SMG1: variants seen among roughly 807,000 people sequenced by gnomAD.
SMG1 encodes SMG1 nonsense mediated mRNA decay associated PI3K related kinase.
A neutral mutation model predicts 419.9 loss-of-function variants in SMG1; 22 were observed. The observed-to-expected ratio is 0.05, with a 90% CI of 0.04 to 0.07. The LOEUF is 0.07. SMG1 is among the 10% of genes least tolerant of loss of function. SMG1 has a pLI of 1.00. For missense variants in SMG1, 3,185 were observed against 4,342.0 expected (o/e 0.73, Z 7.49); for synonymous variants, 1,538 against 1,553.5 (o/e 0.99, Z 0.23).
chr16:18,850,735 T>C (rs757150069), intron 33 of SMG1, among the ~76,000 whole-genome samples: 1 of 152,132 alleles, frequency 6.6e-6, no homozygotes, highest in Non-Finnish European at 1.5e-5. Context: ...CAAGTTACAA[T>C]ACAGTATTCT....
At position 18,806,909 on chromosome 16, in the gene SMG1, G is replaced by C. The variant is rs888159118; in HGVS notation, c.*2660C>G. On this transcript the variant is annotated 3_prime_UTR_variant, in exon 63 of 63. Coordinates refer to ENST00000446231, the MANE Select transcript of SMG1 (RefSeq NM_015092.5). ...GAAAGTTCAAATGGCAAGTCACCTT[G>C]TAGAATGACTTAACAGAGGAAGCCA... 1.3e-5 allele frequency: 2 copies of C among 152,190 alleles called. No individual in the cohort carries two copies. The highest frequency in any genetic ancestry group is 2.9e-5 in the Non-Finnish European group (2 of 68,030). 9.4% of individuals were successfully genotyped at this position (152,190 alleles called of 1,614,324 possible).
intron 56 of SMG1, 87 bp from the exon 57 acceptor site, chr16:18,817,557 TTCC>T (rs2141123034): frequency 9.2e-7 from 1 of 1,081,376 alleles, no homozygotes; most frequent in Non-Finnish European, 1.3e-6. Context: ...AAAATACTAC[TTCC>T]TCATTTTGAG....
At chr16:18,831,207 GA>G (rs1451502263) in intron 51 of SMG1, among the ~76,000 whole-genome samples, 1 of 151,994 alleles carries the variant, frequency 6.6e-6, no homozygotes, top group East Asian at 1.9e-4. Context: ...CACACACACA[GA>G]AACCATTCCA....
intron 38 of SMG1, among the ~76,000 whole-genome samples, chr16:18,847,089 C>T (rs1323882869): frequency 6.6e-6 from 1 of 152,044 alleles, no homozygotes; most frequent in African/African-American, 2.4e-5. Flanking sequence ...CATAATAAAC[C>T]TTCGGGCCAT....
chr16:18,846,053 A>C (rs1474283850), intron 38 of SMG1, among the ~76,000 whole-genome samples: 1 of 152,008 alleles, frequency 6.6e-6, no homozygotes, highest in Non-Finnish European at 1.5e-5. Context: ...TGACCTCGTG[A>C]TCCGCCCGCC....
At chr16:18,875,949 T>G (rs577995919) in intron 13 of SMG1, 175 bp downstream of exon 13, 3 of 660,092 alleles carry the variant, frequency 4.5e-6, no homozygotes, top group East Asian at 5.5e-5. Flanking sequence ...AAGTTAAATA[T>G]AATGCCAAGA....
At chr16:18,835,667 A>G (rs891586129) in intron 48 of SMG1, among the ~76,000 whole-genome samples, 4 of 152,080 alleles carry the variant, frequency 2.6e-5, no homozygotes, top group African/African-American at 9.7e-5. Context: ...GAAATTTGGG[A>G]GGCCCAGGCA....
intron 26 of SMG1, among the ~76,000 whole-genome samples, chr16:18,860,062 C>T (rs1226557485): frequency 6.6e-6 from 1 of 152,046 alleles, no homozygotes; most frequent in Non-Finnish European, 1.5e-5. Flanking sequence ...ACTAAAAATA[C>T]AAAAAATTAC....
chr16:18,870,970 C>T, intron 16 of SMG1, 82 bp from the exon 17 acceptor site: 1 of 741,624 alleles, frequency 1.3e-6, no homozygotes, highest in Non-Finnish European at 2.2e-6. Context: ...TGAATCCATT[C>T]ATTCATTCAA....
intron 26 of SMG1, 48 bp downstream of exon 26, chr16:18,860,619 T>C (rs1235176074): frequency 1.3e-6 from 1 of 795,140 alleles, no homozygotes; most frequent in Non-Finnish European, 2.1e-6. Context: ...CCAAACATTT[T>C]GAGCAACTTG....
At chr16:18,920,904 G>A (rs9746290) in intron 1 of SMG1, among the ~76,000 whole-genome samples, 13,525 of 152,040 alleles carry the variant, frequency 0.089, 744 homozygotes, top group African/African-American at 0.16. Flanking sequence ...TTGGGAGGCC[G>A]AAGCCGGTGG....
intron 19 of SMG1, among the ~76,000 whole-genome samples, chr16:18,869,553 A>G (rs2035700848): frequency 6.6e-6 from 1 of 151,958 alleles, no homozygotes; most frequent in South Asian, 2.1e-4. Flanking sequence ...AACTCACTCA[A>G]TTCAACTAAG....
chr16:18,841,381 G>C (rs948900032), intron 41 of SMG1, among the ~76,000 whole-genome samples, 184 bp downstream of exon 41: 2 of 128,280 alleles, frequency 1.6e-5, no homozygotes, highest in Non-Finnish European at 3.1e-5. Context: ...ATGGGCGACA[G>C]AGCAAGACTG....
chr16:18,834,147 G>A, intron 50 of SMG1, 57 bp downstream of exon 50: 6 of 1,287,964 alleles, frequency 4.7e-6, no homozygotes, highest in Non-Finnish European at 6.5e-6. Context: ...TTAAAGAGAT[G>A]AGAAAGACAA....
At chr16:18,907,264 G>A (rs538188793) in intron 1 of SMG1, among the ~76,000 whole-genome samples, 1 of 151,280 alleles carries the variant, frequency 6.6e-6, no homozygotes, top group East Asian at 1.9e-4. Flanking sequence ...CCTGGGCAAC[G>A]AGAGAAACTC....
intron 1 of SMG1, among the ~76,000 whole-genome samples, chr16:18,913,840 G>A (rs2037874812): frequency 6.6e-6 from 1 of 151,970 alleles, no homozygotes; most frequent in African/African-American, 2.4e-5. Flanking sequence ...AGGAAGTTCG[G>A]TAACAAAAAC....
Position 18,889,523 on chromosome 16 carries a change from G to C in SMG1, c.671C>G (p.Ser224Cys). ...GACCLGLLCA[S>C]LSYEAEKIFK... ...GATCTTCTCAGCCTCATAGCTCAGA[G>C]AAGCACAAAGAAGGCCAAGACAGCA... The change falls in exon 6 of 63, where the codon TCT becomes TGT. Residue 224 changes from serine (S) to cysteine (C), a missense_variant. Around this residue, in one of 27 missense-constraint regions of SMG1, gnomAD observed 53 missense variants for 56.3 expected, o/e 0.94. Coordinates refer to ENST00000446231, the MANE Select transcript of SMG1 (RefSeq NM_015092.5). 1.7e-6 allele frequency: 1 copy of C among 591,340 alleles called. No homozygotes were observed. The highest frequency in any genetic ancestry group is 2.8e-5 in the East Asian group (1 of 36,330). 36.6% of individuals were successfully genotyped at this position (591,340 alleles called of 1,614,324 possible).
chr16:18,843,612 T>A (rs2034052050), intron 39 of SMG1, among the ~76,000 whole-genome samples: 1 of 152,218 alleles, frequency 6.6e-6, no homozygotes, highest in Non-Finnish European at 1.5e-5. Flanking sequence ...AATAGATCAT[T>A]GTTTAGCTAC....
chr16:18,915,511 A>C (rs565128073), intron 1 of SMG1, among the ~76,000 whole-genome samples: 1 of 152,262 alleles, frequency 6.6e-6, no homozygotes, highest in Non-Finnish European at 1.5e-5. Context: ...CTTGAGGAAG[A>C]CACAAATATA....
Sources: allele counts gnomAD v4.1 joint callset (sites outside exome capture counted in the v4.1 genomes callset), GRCh38; gene constraint gnomAD v4.1.1; regional missense constraint gnomAD v4.1.1; transcripts MANE v1.5; gene names NCBI Gene and HGNC (gene_info 2026-07-23, HGNC 2026-07-21).